The following IDO2 variants were observed in gnomAD, a reference collection of about 807,000 sequenced individuals.
The protein encoded by IDO2 is indoleamine 2,3-dioxygenase-like 1 protein.
IDO2 carries 46 observed loss-of-function variants against 45.1 expected under a neutral mutation model. The ratio of observed to expected loss-of-function variants is 1.02; its 90% confidence interval spans 0.80 to 1.30. IDO2 has a LOEUF of 1.30. Among genes scored for constraint, IDO2 ranks in the 50% most tolerant of loss-of-function variants. The probability of loss-of-function intolerance (pLI) is 0.00; values close to 1 mark genes in which losing one functional copy is unlikely to be tolerated. For synonymous variants in IDO2, 218 were observed against 184.9 expected, an observed-to-expected ratio of 1.18 and a Z score of -1.45; for missense variants, 544 against 491.8, an observed-to-expected ratio of 1.11 and a Z score of -1.00.
intron 1 of IDO2, among the ~76,000 whole-genome samples, chr8:39,944,306 C>A (rs1301392048): frequency 6.6e-6 from 1 of 152,196 alleles, no homozygotes; most frequent in Non-Finnish European, 1.5e-5. Flanking sequence ...CCACTACACC[C>A]AGCCCAGGAC....
At chr8:40,015,387 G>A (rs780320507) in exon 11 of IDO2, 2 of 1,613,942 alleles carry the variant, frequency 1.2e-6, no homozygotes, top group African/African-American at 1.3e-5. Context: ...TAACCAGTGT[G>A]TGCAGGCCCT....
At chr8:39,999,718 C>T (rs1166650983) in intron 8 of IDO2, among the ~76,000 whole-genome samples, 1 of 152,226 alleles carries the variant, frequency 6.6e-6, no homozygotes, top group African/African-American at 2.4e-5. Context: ...CCACCTTGGT[C>T]TCCCAAAGTG....
chr8:39,959,564 G>A (rs1177837096), intron 2 of IDO2, among the ~76,000 whole-genome samples: 1 of 78,230 alleles, frequency 1.3e-5, no homozygotes, highest in Non-Finnish European at 3.1e-5. Flanking sequence ...GGTCACACCT[G>A]TAATCTTAGC....
intron 8 of IDO2, among the ~76,000 whole-genome samples, chr8:40,004,099 T>C (rs1387295893): frequency 6.6e-6 from 1 of 152,180 alleles, no homozygotes; most frequent in Non-Finnish European, 1.5e-5. Flanking sequence ...AAAGTAGTAG[T>C]GTCTTAGCAG....
exon 11 of IDO2, chr8:40,016,221 G>C (rs1444504796): frequency 5.0e-6 from 2 of 397,814 alleles, no homozygotes; most frequent in African/African-American, 4.1e-5. Flanking sequence ...ACCTAGATTT[G>C]CAAATTCTAT....
chr8:39,989,902 G>A, intron 8 of IDO2, 64 bp downstream of exon 8: 1 of 1,074,348 alleles, frequency 9.3e-7, no homozygotes. Context: ...TAGGGGAAGA[G>A]GGCCTGGGGA....
rs182391550 is a variant in IDO2, at chr8:39,949,391, G to C, written c.99+127G>C. 9.2e-5 allele frequency: 62 copies of C among 671,354 alleles called. 1 individual carries two copies. The highest frequency in any genetic ancestry group is 2.5e-5 in the Non-Finnish European group (10 of 405,796). 41.6% of individuals were successfully genotyped at this position (671,354 alleles called of 1,614,324 possible). A position where few individuals can be genotyped will look rare whatever the true frequency, so the allele number is the denominator to read the frequency against. On this transcript the variant is annotated intron_variant, in intron 2 of 10. Transcript: ENST00000502986. ...AATATCAAGTTGTTTACCTGAGAAA[G>C]ATGCTACAAAGAGCATAGATTATCA...
At chr8:39,978,267 C>A (rs1303695243) in intron 3 of IDO2, among the ~76,000 whole-genome samples, 1 of 152,156 alleles carries the variant, frequency 6.6e-6, no homozygotes. Context: ...TCCTTTCTGG[C>A]GCTTCGGACC....
intron 5 of IDO2, chr8:39,985,223 C>T (rs1307843413): frequency 4.3e-6 from 2 of 464,258 alleles, no homozygotes; most frequent in Non-Finnish European, 7.7e-6. Context: ...GCCACTGTGC[C>T]CAGCCTAATA....
intron 6 of IDO2, chr8:39,986,608 C>T (rs1404679164): frequency 6.6e-6 from 1 of 152,010 alleles, no homozygotes; most frequent in African/African-American, 2.4e-5. Flanking sequence ...TAAATGACAG[C>T]AGATCATTTA....
intron 2 of IDO2, among the ~76,000 whole-genome samples, chr8:39,957,895 A>ATTTTAT (rs2129593646): frequency 6.6e-6 from 1 of 152,024 alleles, no homozygotes; most frequent in Non-Finnish European, 1.5e-5. Context: ...TACCTGGTTT[A>ATTTTAT]TTTTATTTTT....
At chr8:39,976,878 C>T (rs919992263) in intron 3 of IDO2, among the ~76,000 whole-genome samples, 1 of 152,146 alleles carries the variant, frequency 6.6e-6, no homozygotes, top group African/African-American at 2.4e-5. Context: ...ACTTTTAATA[C>T]ACCTGTCATC....
chr8:39,981,459 A>C (rs549062620), intron 4 of IDO2, among the ~76,000 whole-genome samples: 1 of 152,122 alleles, frequency 6.6e-6, no homozygotes, highest in African/African-American at 2.4e-5. Flanking sequence ...ATTATCCTAA[A>C]TTGGGGTTTG....
intron 2 of IDO2, among the ~76,000 whole-genome samples, chr8:39,954,223 G>C (rs1188004122): frequency 1.3e-5 from 2 of 152,164 alleles, no homozygotes; most frequent in Non-Finnish European, 2.9e-5. Context: ...AGTCCTCAGT[G>C]ATTCTATGCA....
At chr8:39,993,118 C>T (rs1421398941) in intron 8 of IDO2, among the ~76,000 whole-genome samples, 4 of 152,184 alleles carry the variant, frequency 2.6e-5, no homozygotes, top group African/African-American at 9.7e-5. Flanking sequence ...TGCATCCAGT[C>T]CTTCTTTGGA....
chr8:39,938,495 T>C (rs538643405), intron 1 of IDO2, among the ~76,000 whole-genome samples: 2 of 152,122 alleles, frequency 1.3e-5, no homozygotes, highest in East Asian at 3.9e-4. Context: ...CTATTAGAGA[T>C]AACATAAGAG....
intron 3 of IDO2, among the ~76,000 whole-genome samples, chr8:39,965,280 G>A (rs1444297280): frequency 1.3e-5 from 2 of 152,182 alleles, no homozygotes; most frequent in African/African-American, 2.4e-5. Flanking sequence ...GAGCTCAGGA[G>A]TTCGAGACCA....
chr8:40,014,976 C>A (rs149957215), intron 10 of IDO2, among the ~76,000 whole-genome samples: 1,773 of 152,026 alleles, frequency 0.012, 13 homozygotes, highest in South Asian at 0.019. Context: ...TAGCAAGAAC[C>A]CGTCTCTACT....
chr8:39,962,577 G>C (rs1484756195), intron 2 of IDO2, among the ~76,000 whole-genome samples: 1 of 152,180 alleles, frequency 6.6e-6, no homozygotes, highest in African/African-American at 2.4e-5. Context: ...TGACCAGGAA[G>C]AATTAGGCAG....
Sources: allele counts gnomAD v4.1 joint callset (sites outside exome capture counted in the v4.1 genomes callset), GRCh38; gene constraint gnomAD v4.1.1; transcripts MANE v1.5; gene names NCBI Gene and HGNC (gene_info 2026-07-23, HGNC 2026-07-21).